Variants in LRIG1 observed in about 807,000 individuals in gnomAD.
LRIG1 encodes the protein leucine rich repeats and immunoglobulin like domains 1.
In LRIG1, 48 loss-of-function variants were observed where a neutral mutation model predicts 99.2. The observed-to-expected ratio is 0.48, with a 90% confidence interval of 0.38 to 0.62. The LOEUF is 0.62. LRIG1 is among the 20% of genes least tolerant of loss of function. The pLI is 0.00. For missense variants in LRIG1, 1,646 were observed against 1,434.4 expected (o/e 1.15, Z -2.38); for synonymous variants, 772 against 596.1 (o/e 1.29, Z -4.30).
intron 1 of LRIG1, among the ~76,000 whole-genome samples, chr3:66,484,162 G>A (rs962906642): frequency 2.6e-5 from 4 of 152,162 alleles, no homozygotes; most frequent in African/African-American, 9.7e-5. Context: ...AACAAGCAAG[G>A]TATATTCAGG....
chr3:66,433,182 C>T (rs138046265), intron 3 of LRIG1, among the ~76,000 whole-genome samples: 17 of 152,330 alleles, frequency 1.1e-4, no homozygotes, highest in Admixed American at 3.9e-4. Context: ...CTTACCACCA[C>T]GCCAGAGAAG....
At position 66,412,686 on chromosome 3, in the gene LRIG1, G is replaced by A. The variant is rs185743513; in HGVS notation, c.791+185C>T. Among the ~76,000 whole-genome samples, 369 of 152,304 alleles carry A rather than the reference G, an allele frequency of 2.4e-3. 4 individuals carry two copies. The highest frequency in any genetic ancestry group is 3.0e-3 in the Non-Finnish European group (201 of 68,028). ...TGCACAGCTGAATGCTGGTGTGGGC[G>A]CGCACGTGCACACGCGCACGCACAC... On this transcript the variant is annotated intron_variant, in intron 6 of 18. Coordinates refer to ENST00000273261, the MANE Select transcript of LRIG1 (RefSeq NM_015541.3).
In LRIG1 at chr3:66,410,344, G is replaced by T. The variant is rs1575669668; in HGVS notation, c.792-72C>A. 8.3e-6 allele frequency: 12 copies of T among 1,452,002 alleles called. No individual in the cohort carries two copies. The East Asian group carries it at 2.7e-4, about 33-fold the overall frequency. The allele number at this position is 1,452,002 out of a possible 1,614,324, so 89.9% of individuals were successfully genotyped here. ...TCACTGGACAGACAGCAAATGAGCAGCCACGCTGTACCTGACACTGCGGTC... is the reference window on the plus strand; with the variant it reads ...TCACTGGACAGACAGCAAATGAGCATCCACGCTGTACCTGACACTGCGGTC... On this transcript the variant is annotated intron_variant, in intron 6 of 18. Transcript: ENST00000273261.
intron 18 of LRIG1, 34 bp from the exon 19 acceptor site, chr3:66,380,523 C>G (rs756048306): frequency 3.7e-6 from 6 of 1,613,866 alleles, no homozygotes; most frequent in African/African-American, 2.7e-5. Flanking sequence ...CAGACCCCCA[C>G]TTGACCGTTT....
intron 2 of LRIG1, among the ~76,000 whole-genome samples, chr3:66,455,490 T>G (rs1461589249): frequency 6.6e-6 from 1 of 152,230 alleles, no homozygotes; most frequent in Non-Finnish European, 1.5e-5. Flanking sequence ...GTAATATATC[T>G]TGGAGGTCTC....
intron 2 of LRIG1, among the ~76,000 whole-genome samples, chr3:66,452,983 GTC>G (rs1283127070): frequency 6.6e-6 from 1 of 152,140 alleles, no homozygotes; most frequent in Non-Finnish European, 1.5e-5. Flanking sequence ...TACTTTAACA[GTC>G]TCTTATCTGA....
At chr3:66,392,972 C>T (rs1701684652) in intron 12 of LRIG1, among the ~76,000 whole-genome samples, 3 of 152,294 alleles carry the variant, frequency 2.0e-5, no homozygotes, top group Non-Finnish European at 2.9e-5. Flanking sequence ...CTGCCATGTT[C>T]GCAGTGGGTT....
At chr3:66,414,782 C>G (rs553721442) in intron 5 of LRIG1, 138 bp downstream of exon 5, 1 of 880,992 alleles carries the variant, frequency 1.1e-6, no homozygotes, top group African/African-American at 1.7e-5. Flanking sequence ...TTATGAGGTG[C>G]TGCCATTAAT....
intron 3 of LRIG1, among the ~76,000 whole-genome samples, chr3:66,445,404 C>A (rs746858148): frequency 6.6e-6 from 1 of 152,030 alleles, no homozygotes; most frequent in Non-Finnish European, 1.5e-5. Flanking sequence ...TACTTGTTTT[C>A]ATATTTTCTA....
chr3:66,397,872 T>A (rs1215208559), intron 11 of LRIG1, among the ~76,000 whole-genome samples: 1 of 152,266 alleles, frequency 6.6e-6, no homozygotes, highest in Non-Finnish European at 1.5e-5. Flanking sequence ...CCCGACTGCC[T>A]GCTTCTGTCA....
At chr3:66,457,917 C>G (rs546208367) in intron 2 of LRIG1, among the ~76,000 whole-genome samples, 137 of 152,276 alleles carry the variant, frequency 9.0e-4, no homozygotes, top group Non-Finnish European at 1.6e-3. Flanking sequence ...CAATTTCAGC[C>G]AAATCCCATG....
chr3:66,450,058 C>T (rs905636545), intron 3 of LRIG1, among the ~76,000 whole-genome samples: 4 of 152,202 alleles, frequency 2.6e-5, no homozygotes, highest in Admixed American at 1.3e-4. Flanking sequence ...TATCACATCC[C>T]TATCAGCCTC....
rs190717720 is a variant in LRIG1 at position 66,425,629 on chromosome 3, T to C, written c.366-8363A>G. ...AGTGTTGTGCTAGGAACAGTTCTTA[T>C]TGGCCTCATCAAAGGAACAGCGCAG... On this transcript the variant is annotated intron_variant, in intron 3 of 18. Coordinates refer to ENST00000273261, the MANE Select transcript of LRIG1 (RefSeq NM_015541.3). Among the ~76,000 whole-genome samples the C allele has an allele frequency of 2.1e-4, 32 of 152,314 alleles. 1 individual carries two copies. The East Asian group carries it at 5.0e-3, about 24-fold the overall frequency.
intron 3 of LRIG1, among the ~76,000 whole-genome samples, chr3:66,426,075 A>G (rs1702973973): frequency 6.6e-6 from 1 of 152,220 alleles, no homozygotes; most frequent in Non-Finnish European, 1.5e-5. Flanking sequence ...ACAGCCAGGA[A>G]GAAAGGGCAA....
At chr3:66,463,578 T>C (rs1000150052) in intron 1 of LRIG1, among the ~76,000 whole-genome samples, 1 of 152,226 alleles carries the variant, frequency 6.6e-6, no homozygotes, top group Non-Finnish European at 1.5e-5. Context: ...GCCACAAAGA[T>C]GTGATCCAAA....
chr3:66,382,977 C>G lies in LRIG1; in HGVS notation c.2491+5G>C, dbSNP rs770146992. ...TGAAAGTCAGCTCCGCTGGCAGGGC[C>G]TGACCTGTGTTGGTGACACTGTACT... On this transcript the variant is annotated splice_donor_5th_base_variant and intron_variant, in intron 15 of 18. Coordinates refer to ENST00000273261, the MANE Select transcript of LRIG1 (RefSeq NM_015541.3). 1 of 1,596,930 alleles carries G rather than the reference C, an allele frequency of 6.3e-7. No homozygotes were observed. The highest frequency in any genetic ancestry group is 1.1e-5 in the South Asian group (1 of 89,434).
At chr3:66,381,331 C>G (rs1701047934) in intron 17 of LRIG1, 148 bp downstream of exon 17, 2 of 662,028 alleles carry the variant, frequency 3.0e-6, no homozygotes, top group South Asian at 2.4e-5. Context: ...TTAAGAGAGC[C>G]AGGCCTGAGC....
At chr3:66,419,794 T>C (rs1702745514) in intron 3 of LRIG1, among the ~76,000 whole-genome samples, 3 of 151,982 alleles carry the variant, frequency 2.0e-5, no homozygotes, top group Admixed American at 2.0e-4. Flanking sequence ...CCCACCTGTC[T>C]CCTCCCAACT....
chr3:66,422,238 C>T (rs952454559), intron 3 of LRIG1, among the ~76,000 whole-genome samples: 10 of 152,214 alleles, frequency 6.6e-5, no homozygotes, highest in African/African-American at 2.4e-4. Context: ...ATTCCTGCAG[C>T]CAGCTTGAAT....
Sources: gnomAD v4.1 joint callset for allele counts (sites outside exome capture counted in the v4.1 genomes callset) on GRCh38, gnomAD v4.1.1 for gene constraint, MANE v1.5 for transcripts, NCBI Gene and HGNC (gene_info 2026-07-23, HGNC 2026-07-21) for gene names.